The following BRAF variants were observed in gnomAD, a reference collection of about 807,000 sequenced individuals.
BRAF encodes the protein B-Raf proto-oncogene, serine/threonine kinase.
A neutral mutation model predicts 104.6 loss-of-function variants in BRAF; 16 were observed. The ratio of observed to expected loss-of-function variants is 0.15; its 90% CI spans 0.10 to 0.23. The LOEUF (loss-of-function observed/expected upper bound fraction) is 0.23, where lower values mean the gene tolerates loss of function less well. Among genes scored for constraint, BRAF ranks in the 10% least tolerant of loss-of-function variants. The pLI is 1.00. For synonymous variants in BRAF, 310 were observed against 341.6 expected (o/e 0.91, Z 1.02); for missense variants, 541 against 937.3 (o/e 0.58, Z 5.52).
intron 10 of BRAF, 28 bp from the exon 10 acceptor site, chr7:140,783,185 C>T (rs2129026513): frequency 6.2e-7 from 1 of 1,612,566 alleles, no homozygotes; most frequent in South Asian, 1.1e-5. Flanking sequence ...AAAATGTATA[C>T]ATTAAGGAGG....
chr7:140,924,504 T>G lies in BRAF; in HGVS notation c.138+62A>C. 1 of 1,529,716 alleles carries G rather than the reference T, an allele frequency of 6.5e-7. No individual in the cohort carries two copies. Among genetic ancestry groups the G allele is most frequent in the African/African-American group, 1.4e-5 (1 of 72,674 alleles). The allele number at this position is 1,529,716 out of a possible 1,614,324, so 94.8% of individuals were successfully genotyped here. A position where few individuals can be genotyped will look rare whatever the true frequency, so the allele number is the denominator to read the frequency against. ...CCCCCACCGCCGCCTCTTTCCAAAA[T>G]AAACACCAGCCAGCCGCCGAGCCCG... On this transcript the variant is annotated intron_variant, in intron 1 of 19. Transcript: ENST00000644969. The surrounding 1 kb of genome is among the most constrained non-coding windows in gnomAD (Gnocchi z 4.2).
Position 140,726,485 on chromosome 7 carries a change from T to C in BRAF, c.*9A>G, listed in dbSNP as rs1265613978. 15 of 1,536,350 alleles carry C rather than the reference T, an allele frequency of 9.8e-6. 1 individual carries two copies. Among genetic ancestry groups the C allele is most frequent in the Non-Finnish European group, 1.3e-5 (15 of 1,146,992 alleles). On this transcript the variant is annotated 3_prime_UTR_variant, in exon 20 of 20. Transcript: ENST00000644969. ...TAAGAAATAAGAGCAGATGCTGCCA[T>C]GATGGTGGCTACTTGAAGGCTGCAA...
At chr7:140,919,211 G>A (rs1158043733) in intron 1 of BRAF, among the ~76,000 whole-genome samples, 1 of 151,780 alleles carries the variant, frequency 6.6e-6, no homozygotes, top group Non-Finnish European at 1.5e-5. Context: ...TTCTCCTAGA[G>A]CTCTGGCGTA....
intron 18 of BRAF, among the ~76,000 whole-genome samples, chr7:140,739,453 A>G (rs1349972598): frequency 6.6e-6 from 1 of 151,202 alleles, no homozygotes; most frequent in African/African-American, 2.4e-5. Context: ...TTAATTCATT[A>G]ATATTTTAAA....
chr7:140,813,422 CA>C (rs1336629231), intron 3 of BRAF, among the ~76,000 whole-genome samples: 1 of 152,150 alleles, frequency 6.6e-6, no homozygotes, highest in Admixed American at 6.5e-5. Context: ...ACAGACATCT[CA>C]TAATTAAGCA....
chr7:140,780,005 C>A (rs1046844697), intron 12 of BRAF: 11 of 152,080 alleles, frequency 7.2e-5, no homozygotes, highest in African/African-American at 2.7e-4. Context: ...TAAGTTAAAT[C>A]AACATTGATT....
chr7:140,856,569 T>C (rs1809808040), intron 1 of BRAF, among the ~76,000 whole-genome samples: 1 of 152,120 alleles, frequency 6.6e-6, no homozygotes, highest in Non-Finnish European at 1.5e-5. Flanking sequence ...TTTTGAATCA[T>C]ACAGTCATCA....
intron 8 of BRAF, 133 bp from the exon 9 acceptor site, chr7:140,787,717 C>A: frequency 1.3e-6 from 1 of 768,478 alleles, no homozygotes; most frequent in Non-Finnish European, 2.1e-6. Flanking sequence ...AACTATTACA[C>A]AAAACAATTT....
chr7:140,718,865 T>C (rs1585879119), downstream of BRAF, among the ~76,000 whole-genome samples: 3 of 152,212 alleles, frequency 2.0e-5, no homozygotes, highest in African/African-American at 7.2e-5. Flanking sequence ...AAAAATGAAG[T>C]AGAAAACATG....
chr7:140,910,033 C>G (rs1816798318), intron 1 of BRAF, among the ~76,000 whole-genome samples: 1 of 152,170 alleles, frequency 6.6e-6, no homozygotes, highest in Non-Finnish European at 1.5e-5. Context: ...GATCCTTTCT[C>G]ATTAAATGCT....
chr7:140,769,315 T>A (rs973159511), intron 14 of BRAF, among the ~76,000 whole-genome samples: 2 of 151,976 alleles, frequency 1.3e-5, no homozygotes, highest in African/African-American at 4.8e-5. Flanking sequence ...TGTCCTCAAG[T>A]GATCCACCTG....
chr7:140,808,813 T>C, intron 4 of BRAF, 79 bp downstream of exon 4: 2 of 1,188,078 alleles, frequency 1.7e-6, no homozygotes, highest in Non-Finnish European at 2.5e-6. Flanking sequence ...TAGGTTTTGG[T>C]AAAGATCCTA....
the BRAF span, among the ~76,000 whole-genome samples, chr7:140,713,905 G>A: frequency 2.0e-5 from 3 of 152,118 alleles, no homozygotes; most frequent in Admixed American, 1.3e-4. Flanking sequence ...TATCAGCAGC[G>A]GTGGCTGCAG....
rs999635539 is a variant in BRAF, at chr7:140,719,951, C to A, written c.*6543G>T. On this transcript the variant is annotated 3_prime_UTR_variant, in exon 20 of 20. Transcript: ENST00000644969. The stretch of plus-strand genomic sequence containing the variant: ...AAGGTTTGGAGTGGTGAAACAGGAA[C>A]CGTGAATTCACTGCAGTTCAAACAG... The A allele has an allele frequency of 8.3e-5, 88 of 1,062,428 alleles. 1 individual carries two copies. In the African/African-American group the frequency reaches 1.2e-3, roughly 15 times the overall value. 65.8% of individuals were successfully genotyped at this position (1,062,428 alleles called of 1,614,324 possible).
chr7:140,759,219 G>C (rs1035355377), intron 14 of BRAF, among the ~76,000 whole-genome samples: 1 of 152,064 alleles, frequency 6.6e-6, no homozygotes, highest in Admixed American at 6.5e-5. Flanking sequence ...ATTTATTTTG[G>C]GTAATTAGGT....
intron 14 of BRAF, among the ~76,000 whole-genome samples, chr7:140,762,089 T>C (rs966315620): frequency 5.9e-5 from 9 of 152,074 alleles, no homozygotes; most frequent in Non-Finnish European, 1.2e-4. Context: ...AATATACATT[T>C]TTTTCAGCAC....
In BRAF at chr7:140,834,676, C is replaced by T. The variant is rs557241012; in HGVS notation, c.437G>A (p.Arg146Gln). The change falls in exon 3 of 20, where the codon CGG (arginine) becomes CAG (glutamine). Residue 146 changes from arginine (R) to glutamine (Q), a missense_variant. Physicochemically the swap from Arg to Gln is conservative, Grantham distance 43. Transcript: ENST00000644969. Reference sequence around the variant, plus strand: ...TTTTTGTGGTGACTTGGGGTTGCTCCGTGCCACATCTGTGGGATTTTGAAA... The same window carrying T: ...TTTTTGTGGTGACTTGGGGTTGCTCTGTGCCACATCTGTGGGATTTTGAAA... ...SVFQNPTDVA[R>Q]SNPKSPQKPI... The T allele has an allele frequency of 9.3e-6, 15 of 1,614,116 alleles. No homozygotes were observed. The Admixed American group carries it at 1.3e-4, about 14-fold the overall frequency.
Position 140,884,429 on chromosome 7 carries a change from A to ATGTGTGTGTGTG in BRAF, c.139-34229_139-34218dup, listed in dbSNP as rs71170770. On this transcript the variant is annotated intron_variant, in intron 1 of 19. Transcript: ENST00000644969. ...AGGATCTCTTATATATATATAAGATATGTGTGTGTGTGTGTGTGTGTGTGT... is the reference window on the plus strand; with the variant it reads ...AGGATCTCTTATATATATATAAGATATGTGTGTGTGTGTGTGTGTGTGTGTGTGTGTGTGTGT... Among the ~76,000 whole-genome samples, 1,108 of 127,472 alleles carry ATGTGTGTGTGTG rather than the reference A, an allele frequency of 8.7e-3. 9 individuals are homozygous for ATGTGTGTGTGTG. Among genetic ancestry groups the ATGTGTGTGTGTG allele is most frequent in the South Asian group, 0.01 (41 of 4,028 alleles). The allele number at this position is 127,472 out of a possible 152,430, so 83.6% of individuals were successfully genotyped here.
intron 2 of BRAF, chr7:140,835,418 AG>A (rs1374829791): frequency 6.4e-6 from 1 of 156,968 alleles, no homozygotes; most frequent in Non-Finnish European, 1.4e-5. Flanking sequence ...CCTCCTTAAT[AG>A]GGTTTAGAAG....
Sources: allele counts gnomAD v4.1 joint callset (sites outside exome capture counted in the v4.1 genomes callset), GRCh38; gene constraint gnomAD v4.1.1; non-coding constraint Gnocchi (gnomAD v3.1); transcripts MANE v1.5; gene names NCBI Gene and HGNC (gene_info 2026-07-23, HGNC 2026-07-21).